The following SLC9A9 variants were observed in gnomAD, a reference collection of about 807,000 sequenced individuals.
SLC9A9 encodes sodium/hydrogen exchanger 9.
A neutral mutation model predicts 77.8 loss-of-function variants in SLC9A9; 62 were observed. That is an observed-to-expected ratio of 0.80 (90% CI 0.65 to 0.98). SLC9A9 has a LOEUF of 0.98. Ranked by LOEUF, SLC9A9 falls within the 50% of genes least tolerant of loss-of-function variation. The pLI is 0.00. For synonymous variants in SLC9A9, 320 were observed against 283.5 expected, an observed-to-expected ratio of 1.13 and a Z score of -1.29; for missense variants, 775 against 774.9, an observed-to-expected ratio of 1.00 and a Z score of 0.00.
chr3:143,382,652 A>G (rs1361200978), intron 12 of SLC9A9, among the ~76,000 whole-genome samples: 1 of 152,210 alleles, frequency 6.6e-6, no homozygotes, highest in Admixed American at 6.5e-5. Context: ...TAAACACAAA[A>G]TTGGGAGTGA....
chr3:143,455,349 C>A (rs2035072400), intron 12 of SLC9A9, among the ~76,000 whole-genome samples: 1 of 152,144 alleles, frequency 6.6e-6, no homozygotes, highest in Non-Finnish European at 1.5e-5. Context: ...ATCAAGCAAT[C>A]TGAGTTTTCC....
chr3:143,716,061 C>CT (rs1312018683), intron 4 of SLC9A9, among the ~76,000 whole-genome samples: 1 of 152,142 alleles, frequency 6.6e-6, no homozygotes, highest in East Asian at 1.9e-4. Flanking sequence ...AGAAATGGTG[C>CT]TTTTTCTTTG....
Position 143,658,113 on chromosome 3 carries a change from C to T in SLC9A9, c.650-5753G>A, listed in dbSNP as rs922473798. On this transcript the variant is annotated intron_variant, in intron 5 of 15. Coordinates refer to ENST00000316549, the MANE Select transcript of SLC9A9 (RefSeq NM_173653.4). ...AACTCCTGACCTCAAGGGATCTGCC[C>T]GCCTTGGCCTCCCAAAGTGCTGGGA... Among the ~76,000 whole-genome samples, 7 of 152,130 alleles carry T rather than the reference C, an allele frequency of 4.6e-5. No homozygotes were observed. The East Asian group carries it at 7.7e-4, about 17-fold the overall frequency.
chr3:143,371,307 G>C (rs1419238216), intron 13 of SLC9A9, among the ~76,000 whole-genome samples: 1 of 152,134 alleles, frequency 6.6e-6, no homozygotes, highest in Non-Finnish European at 1.5e-5. Context: ...TATGAGTAAG[G>C]ACAATGTTCT....
chr3:143,782,136 A>T (rs544071288), intron 4 of SLC9A9, among the ~76,000 whole-genome samples: 26 of 152,332 alleles, frequency 1.7e-4, no homozygotes, highest in African/African-American at 6.3e-4. Context: ...CAGCCATATA[A>T]ATCTTGTGGA....
intron 5 of SLC9A9, among the ~76,000 whole-genome samples, chr3:143,685,463 TTAA>T (rs1475506339): frequency 2.0e-5 from 3 of 152,136 alleles, no homozygotes; most frequent in Non-Finnish European, 2.9e-5. Flanking sequence ...AGTCTCTGAA[TTAA>T]TAATTATTTT....
At chr3:143,434,506 C>T (rs1222362893) in intron 12 of SLC9A9, among the ~76,000 whole-genome samples, 1 of 152,048 alleles carries the variant, frequency 6.6e-6, no homozygotes, top group African/African-American at 2.4e-5. Context: ...TTCCAGTGTT[C>T]GATTGCAACT....
chr3:143,674,102 A>T (rs1476228311), intron 5 of SLC9A9, among the ~76,000 whole-genome samples: 1 of 152,228 alleles, frequency 6.6e-6, no homozygotes, highest in African/African-American at 2.4e-5. Context: ...CAATTTACAC[A>T]TAATTTTCCA....
chr3:143,842,652 T>G (rs2009737401), intron 1 of SLC9A9, among the ~76,000 whole-genome samples: 4 of 152,226 alleles, frequency 2.6e-5, no homozygotes, highest in Non-Finnish European at 4.4e-5. Context: ...TAAAAAATGC[T>G]TCTGCAAACT....
chr3:143,322,257 C>A (rs1475500211), intron 14 of SLC9A9, among the ~76,000 whole-genome samples: 1 of 152,186 alleles, frequency 6.6e-6, no homozygotes, highest in Non-Finnish European at 1.5e-5. Flanking sequence ...CTGAGCAAAG[C>A]AGATGACCAT....
At chr3:143,539,132 A>G (rs2036643330) in intron 9 of SLC9A9, among the ~76,000 whole-genome samples, 1 of 152,180 alleles carries the variant, frequency 6.6e-6, no homozygotes, top group African/African-American at 2.4e-5. Flanking sequence ...CTATCATAAC[A>G]GTTTATTCTC....
At chr3:143,832,621 A>T (rs945979451) in intron 1 of SLC9A9, among the ~76,000 whole-genome samples, 2 of 152,036 alleles carry the variant, frequency 1.3e-5, no homozygotes, top group Admixed American at 6.6e-5. Flanking sequence ...AATCTCAGTT[A>T]TCCCCATCAG....
At chr3:143,410,442 A>T (rs950536232) in intron 12 of SLC9A9, among the ~76,000 whole-genome samples, 21 of 152,100 alleles carry the variant, frequency 1.4e-4, no homozygotes, top group African/African-American at 5.1e-4. Flanking sequence ...TAATAATATC[A>T]CCTTCCACCT....
Position 143,265,974 on chromosome 3 carries a change from TG to T in SLC9A9, c.*727del. On this transcript the variant is annotated 3_prime_UTR_variant, in exon 16 of 16. Transcript: ENST00000316549. ...CTTGTTCTTCAGGCACAACGTGGTA[TG>T]GGGAGAAGAAACCTGGTTTTCTTGG... is the stretch of plus-strand genomic sequence containing the variant. The T allele has an allele frequency of 1.5e-6, 1 of 686,258 alleles. No homozygotes were observed. The highest frequency in any genetic ancestry group is 2.7e-6 in the Non-Finnish European group (1 of 377,112). The allele number at this position is 686,258 out of a possible 1,614,324, so 42.5% of individuals were successfully genotyped here.
intron 12 of SLC9A9, among the ~76,000 whole-genome samples, chr3:143,419,299 A>AG (rs942198695): frequency 1.6e-4 from 25 of 152,096 alleles, no homozygotes; most frequent in African/African-American, 3.6e-4. Flanking sequence ...CCCATTTTGC[A>AG]GGGGGGGCAC....
intron 6 of SLC9A9, among the ~76,000 whole-genome samples, chr3:143,639,055 A>T (rs2038577190): frequency 6.6e-6 from 1 of 152,256 alleles, no homozygotes; most frequent in Non-Finnish European, 1.5e-5. Flanking sequence ...TTGGTTGTTC[A>T]GAATGAGAAG....
chr3:143,414,239 T>C (rs1559905456), intron 12 of SLC9A9, among the ~76,000 whole-genome samples: 1 of 152,244 alleles, frequency 6.6e-6, no homozygotes, highest in Non-Finnish European at 1.5e-5. Context: ...TGTGTATGTA[T>C]CTTATGTGTG....
chr3:143,337,729 A>T (rs2031972431), intron 14 of SLC9A9, among the ~76,000 whole-genome samples: 2 of 152,244 alleles, frequency 1.3e-5, no homozygotes, highest in Admixed American at 1.3e-4. Context: ...CCACTTTAGA[A>T]GCAGCTTGGC....
chr3:143,802,755 C>T (rs2008600345), intron 2 of SLC9A9, among the ~76,000 whole-genome samples: 1 of 152,202 alleles, frequency 6.6e-6, no homozygotes, highest in South Asian at 2.1e-4. Flanking sequence ...TTTAAAGACA[C>T]ACCTCACCAA....
Sources: allele counts gnomAD v4.1 joint callset (sites outside exome capture counted in the v4.1 genomes callset), GRCh38; gene constraint gnomAD v4.1.1; transcripts MANE v1.5; gene names NCBI Gene and HGNC (gene_info 2026-07-23, HGNC 2026-07-21).